Variants in GRIK2 observed in about 807,000 individuals in gnomAD.
GRIK2 encodes the protein glutamate ionotropic receptor kainate type subunit 2.
A neutral mutation model predicts 100.3 loss-of-function variants in GRIK2; 32 were observed. The observed-to-expected ratio is 0.32, with a 90% CI of 0.24 to 0.43. The LOEUF is 0.43. Ranked by LOEUF, GRIK2 falls within the 20% of genes least tolerant of loss-of-function variation. GRIK2 has a pLI of 1.00. For missense variants in GRIK2, 843 were observed against 1,114.9 expected (o/e 0.76, Z 3.47); for synonymous variants, 417 against 389.4 (o/e 1.07, Z -0.83).
intron 2 of GRIK2, among the ~76,000 whole-genome samples, chr6:101,577,212 G>C (rs1030038701): frequency 6.6e-6 from 1 of 151,402 alleles, no homozygotes; most frequent in African/African-American, 2.4e-5. Flanking sequence ...ATCTGACATA[G>C]GGAGTTCTTA....
chr6:101,635,306 T>G (rs2128321942), intron 4 of GRIK2, among the ~76,000 whole-genome samples: 1 of 152,202 alleles, frequency 6.6e-6, no homozygotes, highest in East Asian at 1.9e-4. Flanking sequence ...ACTTATTTTT[T>G]TATTCCTATT....
At chr6:102,018,658 A>G (rs755265379) in intron 14 of GRIK2, among the ~76,000 whole-genome samples, 1 of 152,090 alleles carries the variant, frequency 6.6e-6, no homozygotes, top group South Asian at 2.1e-4. Context: ...ATATCCACCT[A>G]TCTGGCTCTC....
chr6:101,863,518 C>G (rs1463657237), intron 11 of GRIK2, among the ~76,000 whole-genome samples: 2 of 152,294 alleles, frequency 1.3e-5, no homozygotes, highest in African/African-American at 4.8e-5. Flanking sequence ...ATAGACATTC[C>G]TTATTACTTG....
chr6:102,036,948 C>A (rs1382774873), intron 15 of GRIK2, among the ~76,000 whole-genome samples: 4 of 151,224 alleles, frequency 2.6e-5, no homozygotes, highest in Non-Finnish European at 5.9e-5. Context: ...ATGCTTTGGA[C>A]CTTTACTTTT....
At chr6:101,608,228 C>T (rs951147338) in intron 2 of GRIK2, among the ~76,000 whole-genome samples, 4 of 151,748 alleles carry the variant, frequency 2.6e-5, no homozygotes, top group African/African-American at 9.7e-5. Context: ...AATCACTATA[C>T]AATATTTCCT....
chr6:101,612,283 A>G (rs1048294572), intron 2 of GRIK2, among the ~76,000 whole-genome samples: 7 of 151,860 alleles, frequency 4.6e-5, no homozygotes, highest in Non-Finnish European at 1.5e-5. Flanking sequence ...AGAAAAACAA[A>G]TCTTAGACTC....
At chr6:101,965,364 A>C (rs1792594851) in intron 14 of GRIK2, among the ~76,000 whole-genome samples, 1 of 152,072 alleles carries the variant, frequency 6.6e-6, no homozygotes, top group African/African-American at 2.4e-5. Flanking sequence ...ATCCAATACA[A>C]TTTAGTTCCC....
chr6:101,547,852 G>A (rs2128291175), intron 2 of GRIK2, among the ~76,000 whole-genome samples: 1 of 152,074 alleles, frequency 6.6e-6, no homozygotes, highest in African/African-American at 2.4e-5. Context: ...AGATGGCTGG[G>A]TCAAATGGTA....
intron 14 of GRIK2, among the ~76,000 whole-genome samples, chr6:101,945,752 C>T (rs1035747854): frequency 1.3e-5 from 2 of 152,052 alleles, no homozygotes; most frequent in Non-Finnish European, 2.9e-5. Context: ...TGAGTTTTCT[C>T]TTTACTTTTT....
At chr6:102,003,600 A>G (rs7449816) in intron 14 of GRIK2, among the ~76,000 whole-genome samples, 16,525 of 151,792 alleles carry the variant, frequency 0.11, 2,494 homozygotes, top group African/African-American at 0.34. Context: ...TTTCTATAGT[A>G]TATTGTTTAT....
chr6:102,061,070 C>T (rs1259594157), intron 16 of GRIK2, among the ~76,000 whole-genome samples: 1 of 150,268 alleles, frequency 6.7e-6, no homozygotes, highest in Non-Finnish European at 1.5e-5. Flanking sequence ...TTTAAAATGT[C>T]TTGATATACA....
At chr6:101,753,739 T>C (rs1216932580) in intron 7 of GRIK2, among the ~76,000 whole-genome samples, 1 of 152,074 alleles carries the variant, frequency 6.6e-6, no homozygotes, top group Non-Finnish European at 1.5e-5. Flanking sequence ...TAATTGATAG[T>C]TTTCCAACAT....
At chr6:101,579,624 G>T (rs189543652) in intron 2 of GRIK2, among the ~76,000 whole-genome samples, 1 of 151,796 alleles carries the variant, frequency 6.6e-6, no homozygotes, top group Non-Finnish European at 1.5e-5. Flanking sequence ...AGGCCAAGGC[G>T]GGTGGATCAC....
At chr6:101,732,330 T>A (rs965065892) in intron 7 of GRIK2, among the ~76,000 whole-genome samples, 1 of 152,042 alleles carries the variant, frequency 6.6e-6, no homozygotes, top group African/African-American at 2.4e-5. Context: ...ATGATATTTT[T>A]AAAAAATTAA....
chr6:101,698,184 A>G (rs987414773), intron 7 of GRIK2, among the ~76,000 whole-genome samples: 6 of 151,800 alleles, frequency 4.0e-5, no homozygotes, highest in African/African-American at 1.2e-4. Flanking sequence ...TTTTCATGAC[A>G]CTATCTGAGT....
chr6:102,014,348 T>C (rs777710548), intron 14 of GRIK2, among the ~76,000 whole-genome samples: 3 of 152,108 alleles, frequency 2.0e-5, no homozygotes, highest in Non-Finnish European at 4.4e-5. Context: ...TCTTTATTAG[T>C]CTAGCTAGTG....
At chr6:101,432,189 T>C (rs113515968) in intron 2 of GRIK2, among the ~76,000 whole-genome samples, 8 of 152,142 alleles carry the variant, frequency 5.3e-5, no homozygotes, top group African/African-American at 1.7e-4. Context: ...GCCTATAATT[T>C]AATCAAGTCC....
intron 9 of GRIK2, among the ~76,000 whole-genome samples, chr6:101,810,073 T>G (rs1328774105): frequency 7.4e-6 from 1 of 135,446 alleles, no homozygotes; most frequent in Non-Finnish European, 1.5e-5. Context: ...AAATTTGAAT[T>G]AACATATATA....
At chr6:102,067,770 G>A (rs1005383659) in intron 16 of GRIK2, among the ~76,000 whole-genome samples, 1 of 151,812 alleles carries the variant, frequency 6.6e-6, no homozygotes, top group Non-Finnish European at 1.5e-5. Flanking sequence ...AGTCATATTT[G>A]TTTGTAATCA....
Sources: allele counts gnomAD v4.1 joint callset (sites outside exome capture counted in the v4.1 genomes callset), GRCh38; gene constraint gnomAD v4.1.1; transcripts MANE v1.5; gene names NCBI Gene and HGNC (gene_info 2026-07-23, HGNC 2026-07-21).